Variants in RELN observed in about 807,000 individuals in gnomAD.
RELN encodes the protein reelin.
RELN carries 108 observed loss-of-function variants against 427.6 expected under a neutral mutation model. That is an observed-to-expected ratio of 0.25 (90% CI 0.22 to 0.30). RELN has a LOEUF of 0.30. RELN is among the 10% of genes least tolerant of loss of function. The probability of loss-of-function intolerance (pLI) is 1.00; values close to 1 mark genes in which losing one functional copy is unlikely to be tolerated. For missense variants in RELN, 3,715 were observed against 4,302.8 expected (o/e 0.86, Z 3.82); for synonymous variants, 1,524 against 1,513.4 (o/e 1.01, Z -0.16).
At chr7:103,473,214 C>A (rs1261397221) in intron 64 of RELN, among the ~76,000 whole-genome samples, 1 of 152,128 alleles carries the variant, frequency 6.6e-6, no homozygotes, top group African/African-American at 2.4e-5. Flanking sequence ...TAATTTTATT[C>A]TTGAATGCTT....
At chr7:103,496,320 G>T (rs1828840136) in intron 56 of RELN, among the ~76,000 whole-genome samples, 1 of 152,162 alleles carries the variant, frequency 6.6e-6, no homozygotes, top group Non-Finnish European at 1.5e-5. Context: ...CCTTTAACAT[G>T]ATTTATTGAA....
Position 103,489,913 on chromosome 7 carries a change from A to G in RELN, c.9606-14T>C, listed in dbSNP as rs1424278781. The G allele has an allele frequency of 3.1e-6, 5 of 1,613,852 alleles. No homozygotes were observed. In the African/African-American group the frequency reaches 4.0e-5, roughly 13 times the overall value. ...AACTGTGTTGCACTGAAAGAACCAC[A>G]GAGAGCAGAAGGGATTCAGTAGGTT... is the stretch of plus-strand genomic sequence containing the variant. On this transcript the variant is annotated splice_polypyrimidine_tract_variant and intron_variant, in intron 59 of 64. Transcript: ENST00000428762.
At chr7:103,790,212 A>T (rs949661497) in intron 3 of RELN, among the ~76,000 whole-genome samples, 4 of 152,142 alleles carry the variant, frequency 2.6e-5, no homozygotes, top group African/African-American at 9.7e-5. Context: ...GAGTGATAGC[A>T]TTGGGAGAAA....
At chr7:103,815,222 T>A (rs189331018) in intron 3 of RELN, among the ~76,000 whole-genome samples, 43 of 152,342 alleles carry the variant, frequency 2.8e-4, no homozygotes, top group African/African-American at 9.9e-4. Flanking sequence ...TTTTCCATCT[T>A]TAAACATTTG....
At chr7:103,941,686 T>C (rs978862217) in intron 1 of RELN, among the ~76,000 whole-genome samples, 3 of 152,194 alleles carry the variant, frequency 2.0e-5, no homozygotes, top group African/African-American at 4.8e-5. Context: ...GTCAAGATTC[T>C]AGTCCAAACA....
chr7:103,584,432 A>G (rs1831223773), intron 28 of RELN, among the ~76,000 whole-genome samples: 1 of 152,206 alleles, frequency 6.6e-6, no homozygotes, highest in African/African-American at 2.4e-5. Flanking sequence ...GTAAGATAAA[A>G]GACTGTAATT....
chr7:103,958,176 T>C (rs189171868), intron 1 of RELN, among the ~76,000 whole-genome samples: 3 of 152,346 alleles, frequency 2.0e-5, no homozygotes, highest in Admixed American at 1.3e-4. Flanking sequence ...AAGTACTTAA[T>C]GAATAATCCC....
chr7:103,929,259 C>T (rs896812788), intron 1 of RELN, among the ~76,000 whole-genome samples: 3 of 152,252 alleles, frequency 2.0e-5, no homozygotes, highest in East Asian at 1.9e-4. Flanking sequence ...GCTGAAGAAC[C>T]GAGCTCACTG....
At chr7:103,500,967 T>G in intron 52 of RELN, 45 bp from the exon 53 acceptor site, 1 of 1,563,732 alleles carries the variant, frequency 6.4e-7, no homozygotes, top group African/African-American at 1.3e-5. Flanking sequence ...AAAAGTTAAC[T>G]GTATTTAGGT....
intron 11 of RELN, among the ~76,000 whole-genome samples, chr7:103,669,876 A>G (rs1257250124): frequency 6.6e-6 from 1 of 152,124 alleles, no homozygotes; most frequent in Non-Finnish European, 1.5e-5. Flanking sequence ...CCCTTACCTT[A>G]TTTATTATAA....
chr7:103,950,296 C>G (rs558184261), intron 1 of RELN, among the ~76,000 whole-genome samples: 1 of 152,248 alleles, frequency 6.6e-6, no homozygotes, highest in Non-Finnish European at 1.5e-5. Flanking sequence ...CATAAACATT[C>G]ACACCACAGC....
chr7:103,496,910 T>C, intron 55 of RELN, 142 bp from the exon 56 acceptor site: 1 of 859,296 alleles, frequency 1.2e-6, no homozygotes, highest in Non-Finnish European at 1.9e-6. Context: ...GACTTTGATA[T>C]TAGGTATTCA....
At position 103,610,848 on chromosome 7, in the gene RELN, T is replaced by C. The variant is rs755624680; in HGVS notation, c.2896-41A>G. 5 of 1,166,690 alleles carry C rather than the reference T, an allele frequency of 4.3e-6. No individual in the cohort carries two copies. The East Asian group carries it at 9.4e-5, about 22-fold the overall frequency. 72.3% of individuals were successfully genotyped at this position (1,166,690 alleles called of 1,614,324 possible). A position where few individuals can be genotyped will look rare whatever the true frequency, so the allele number is the denominator to read the frequency against. ...GCACAAATCAAACCCAGCTTCTGTT[T>C]TCCTCAGGTGAAATATGTCTACTCA... On this transcript the variant is annotated intron_variant, in intron 21 of 64. Transcript: ENST00000428762.
intron 7 of RELN, among the ~76,000 whole-genome samples, chr7:103,726,245 A>G (rs1307804875): frequency 6.6e-6 from 1 of 152,202 alleles, no homozygotes; most frequent in Non-Finnish European, 1.5e-5. Flanking sequence ...CTTCAGGAAC[A>G]CCAATACAGT....
Position 103,652,664 on chromosome 7 carries a change from C to T in RELN, c.1650G>A (p.Arg550=). 3.7e-6 allele frequency: 6 copies of T among 1,612,874 alleles called. No individual in the cohort carries two copies. Among genetic ancestry groups the T allele is most frequent in the Non-Finnish European group, 5.1e-6 (6 of 1,179,242 alleles). Residue 550 remains arginine (R), a synonymous_variant, in exon 14 of 65, where the codon AGG becomes AGA. Transcript: ENST00000428762. ...LRQKNHQGHN[R]NVWAVDFFHV... ...GGAAAAAGTCTACAGCCCAGACATT[C>T]CTATTATGTCCTTGATGGTTCTTTT...
At chr7:103,617,034 G>T (rs1249150806) in intron 20 of RELN, among the ~76,000 whole-genome samples, 1 of 152,178 alleles carries the variant, frequency 6.6e-6, no homozygotes, top group East Asian at 1.9e-4. Flanking sequence ...AACAATGACT[G>T]AGGTGCCACT....
In RELN at chr7:103,610,720, T is replaced by C. The variant is rs1831932210; in HGVS notation, c.2983A>G (p.Ile995Val). ...CAAGTTTTCTGGGGAAGAAGCACTA[T>C]GACTCTCCTCCACTGTGTAAACTCA... is the stretch of plus-strand genomic sequence containing the variant. ...ASEFTQWRRV[I>V]VLLPQKTWSS... The change falls in exon 22 of 65, where the codon ATA (isoleucine) becomes GTA (valine). Residue 995 changes from isoleucine to valine, a missense_variant. By Grantham distance (29) the Ile-to-Val change is conservative. Coordinates refer to ENST00000428762, the MANE Select transcript of RELN (RefSeq NM_005045.4). 3 of 1,599,066 alleles carry C rather than the reference T, an allele frequency of 1.9e-6. No individual in the cohort carries two copies. Among genetic ancestry groups the C allele is most frequent in the Non-Finnish European group, 2.6e-6 (3 of 1,166,552 alleles).
At chr7:103,680,384 G>A (rs1301377164) in intron 11 of RELN, among the ~76,000 whole-genome samples, 1 of 152,114 alleles carries the variant, frequency 6.6e-6, no homozygotes, top group Non-Finnish European at 1.5e-5. Flanking sequence ...TTTAATCCCT[G>A]ATATATGGAT....
chr7:103,584,871 C>A (rs1333721508), intron 28 of RELN, among the ~76,000 whole-genome samples: 10 of 152,080 alleles, frequency 6.6e-5, no homozygotes, highest in African/African-American at 2.2e-4. Context: ...TCTTCTTAGA[C>A]CATGGCAGAA....
Sources: gnomAD v4.1 joint callset for allele counts (sites outside exome capture counted in the v4.1 genomes callset) on GRCh38, gnomAD v4.1.1 for gene constraint, MANE v1.5 for transcripts, NCBI Gene and HGNC (gene_info 2026-07-23, HGNC 2026-07-21) for gene names.